Variants in GPR137B observed in about 807,000 individuals in gnomAD.
The protein encoded by GPR137B is integral membrane protein GPR137B.
Under a neutral mutation model 42.5 loss-of-function variants are expected in GPR137B, and 42 were observed. The ratio of observed to expected loss-of-function variants is 0.99; its 90% CI spans 0.77 to 1.28. The LOEUF (loss-of-function observed/expected upper bound fraction) is 1.28. GPR137B is among the 50% of genes most tolerant of loss of function. GPR137B has a pLI of 0.00. For synonymous variants in GPR137B, 218 were observed against 209.7 expected (o/e 1.04, Z -0.34); for missense variants, 487 against 493.9 (o/e 0.99, Z 0.13).
chr1:236,144,823 T>G (rs1295209181), intron 1 of GPR137B, among the ~76,000 whole-genome samples: 1 of 152,218 alleles, frequency 6.6e-6, no homozygotes, highest in African/African-American at 2.4e-5. Context: ...GTCCCCTTTT[T>G]GGGGGGCAGT....
rs1661828918 is a variant in GPR137B at position 236,150,546 on chromosome 1, A to C, written c.414+7510A>C. ...AACCGAGGGGGAACTAAATCCTGTT[A>C]ATGCCCTCAGCACTCGGGGAACAAT... On this transcript the variant is annotated intron_variant, in intron 1 of 6. Coordinates refer to ENST00000366592, the MANE Select transcript of GPR137B (RefSeq NM_003272.4). This position sits in a 1 kb window ranked among gnomAD's most constrained non-coding sequence, Gnocchi z 6.2. Among the ~76,000 whole-genome samples the C allele has an allele frequency of 2.0e-5, 3 of 152,048 alleles. No individual in the cohort carries two copies. Among genetic ancestry groups the C allele is most frequent in the Non-Finnish European group, 4.4e-5 (3 of 68,002 alleles).
chr1:236,189,125 C>A lies in GPR137B; in HGVS notation c.966+5219C>A, dbSNP rs151325221. ...TTTGCATAGATGTGTTTATAGTATTCTTTGATGGTAGTTTGTATTTCTGTG... is the reference window on the plus strand; with the variant it reads ...TTTGCATAGATGTGTTTATAGTATTATTTGATGGTAGTTTGTATTTCTGTG... On this transcript the variant is annotated intron_variant, in intron 5 of 6. Coordinates refer to ENST00000366592, the MANE Select transcript of GPR137B (RefSeq NM_003272.4). 2.8e-3 allele frequency among the ~76,000 whole-genome samples: 427 copies of A among 152,238 alleles called. 7 individuals carry two copies. In the East Asian group the frequency reaches 0.071, roughly 25 times the overall value.
chr1:236,177,040 C>T (rs1662708599), intron 2 of GPR137B, among the ~76,000 whole-genome samples: 1 of 152,012 alleles, frequency 6.6e-6, no homozygotes, highest in Non-Finnish European at 1.5e-5. Flanking sequence ...TGCTGCAGTG[C>T]TGTTTGAGCT....
At chr1:236,204,520 G>C (rs566842137) in intron 5 of GPR137B, among the ~76,000 whole-genome samples, 12 of 152,090 alleles carry the variant, frequency 7.9e-5, no homozygotes, top group Non-Finnish European at 1.5e-5. Flanking sequence ...GAAGCCATTG[G>C]GTCCCAGGCT....
intron 5 of GPR137B, among the ~76,000 whole-genome samples, chr1:236,196,931 A>G (rs1663356195): frequency 6.6e-6 from 1 of 152,178 alleles, no homozygotes; most frequent in Non-Finnish European, 1.5e-5. Context: ...ACATGCCTGC[A>G]CAAGTGTCTT....
intron 2 of GPR137B, among the ~76,000 whole-genome samples, chr1:236,174,374 TG>T (rs1662626481): frequency 6.6e-6 from 1 of 152,116 alleles, no homozygotes; most frequent in Non-Finnish European, 1.5e-5. Flanking sequence ...GTTTAAAACA[TG>T]GAGTTGACCA....
At position 236,179,952 on chromosome 1, in the gene GPR137B, A is replaced by G. The variant is rs1256491880; in HGVS notation, c.761A>G (p.Asn254Ser). The change falls in exon 4 of 7, where the codon AAC becomes AGC. Residue 254 changes from asparagine to serine, a missense_variant. Transcript: ENST00000366592. ...CTTTACACCTCTCGGGCCTGCTACA[A>G]CCTGTTCATCCTGTCATTTTCTCAG... ...ILLYTSRACY[N>S]LFILSFSQNK... is the part of the protein sequence containing the mutation. 4 of 1,612,794 alleles carry G rather than the reference A, an allele frequency of 2.5e-6. No individual in the cohort carries two copies. The highest frequency in any genetic ancestry group is 3.4e-6 in the Non-Finnish European group (4 of 1,178,956).
Position 236,178,637 on chromosome 1 carries a change from G to A in GPR137B, c.687+1G>A. The A allele has an allele frequency of 6.3e-7, 1 of 1,578,238 alleles. No homozygotes were observed. Among genetic ancestry groups the A allele is most frequent in the South Asian group, 1.1e-5 (1 of 90,372 alleles). ...AGCCAACATTTACTTGGAGTCCAAG[G>A]TAGGTGGAAATGTGGTCAAGATCCC... On this transcript the variant is annotated splice_donor_variant, in intron 3 of 6. Coordinates refer to ENST00000366592, the MANE Select transcript of GPR137B (RefSeq NM_003272.4). LOFTEE classifies it high-confidence loss of function.
At chr1:236,143,119 G>A in intron 1 of GPR137B, 83 bp downstream of exon 1, 2 of 1,232,670 alleles carry the variant, frequency 1.6e-6, no homozygotes, top group South Asian at 1.4e-5. Context: ...GATGGCAGCC[G>A]CGGGGGCGGG....
chr1:236,208,325 C>A lies in GPR137B; in HGVS notation c.*167C>A, dbSNP rs1298720707. The A allele has an allele frequency of 1.5e-6, 2 of 1,362,494 alleles. No homozygotes were observed. The highest frequency in any genetic ancestry group is 1.9e-6 in the Non-Finnish European group (2 of 1,057,130). The allele number at this position is 1,362,494 out of a possible 1,614,324, so 84.4% of individuals were successfully genotyped here. A position where few individuals can be genotyped will look rare whatever the true frequency, so the allele number is the denominator to read the frequency against. ...ATAAGCAATAATGTAGACTGATAAA[C>A]CCTTATTTTAGTACTAAAGAGGGAG... On this transcript the variant is annotated 3_prime_UTR_variant, in exon 7 of 7. Coordinates refer to ENST00000366592, the MANE Select transcript of GPR137B (RefSeq NM_003272.4).
chr1:236,163,861 TTCACACTTCC>T (rs1260932360), intron 1 of GPR137B, among the ~76,000 whole-genome samples: 1 of 151,506 alleles, frequency 6.6e-6, no homozygotes, highest in Non-Finnish European at 1.5e-5. Context: ...CTCCACACTT[TTCACACTTCC>T]TCACACCTCC....
chr1:236,142,883 C>T lies in GPR137B; in HGVS notation c.261C>T (p.Phe87=). 2 of 1,614,220 alleles carry T rather than the reference C, an allele frequency of 1.2e-6. No individual in the cohort carries two copies. The highest frequency in any genetic ancestry group is 1.6e-4 in the Middle Eastern group (1 of 6,062). The change falls in exon 1 of 7, where the codon TTC becomes TTT. Residue 87 remains phenylalanine (F), a synonymous_variant. Transcript: ENST00000366592. ...YQSVFLFLCL[F]WASLRTVLFS... is the part of the protein sequence containing the mutation. Reference sequence around the variant, plus strand: ...GCGTCTTCCTCTTTCTCTGCCTCTTCTGGGCCTCCCTGCGGACCGTCCTCT... The same window carrying T: ...GCGTCTTCCTCTTTCTCTGCCTCTTTTGGGCCTCCCTGCGGACCGTCCTCT...
rs896089662 is a variant in GPR137B, at chr1:236,198,853, G to A, written c.967-6273G>A. Among the ~76,000 whole-genome samples the A allele has an allele frequency of 7.9e-5, 12 of 152,258 alleles. No individual in the cohort carries two copies. The East Asian group carries it at 2.1e-3, about 27-fold the overall frequency. On this transcript the variant is annotated intron_variant, in intron 5 of 6. Transcript: ENST00000366592. ...TGCGATTATGTCATTGGTGAACAGT[G>A]ACAGTTTGACTTACTCTTTACTGGT...
At position 236,193,132 on chromosome 1, in the gene GPR137B, C is replaced by T. The variant is rs150750258; in HGVS notation, c.966+9226C>T. 4.4e-3 allele frequency among the ~76,000 whole-genome samples: 671 copies of T among 152,084 alleles called. 8 individuals carry two copies. Among genetic ancestry groups the T allele is most frequent in the African/African-American group, 0.014 (587 of 41,490 alleles). On this transcript the variant is annotated intron_variant, in intron 5 of 6. Transcript: ENST00000366592. ...CTGGTCTTGAACTCCTGAACTCAGG[C>T]GATCCACCTGCCTTGGCCTCCCAAA...
chr1:236,183,256 A>T (rs903428362), intron 4 of GPR137B, among the ~76,000 whole-genome samples: 2 of 152,224 alleles, frequency 1.3e-5, no homozygotes, highest in African/African-American at 2.4e-5. Flanking sequence ...GATATGGTTT[A>T]TGTGAAGAAA....
intron 4 of GPR137B, among the ~76,000 whole-genome samples, chr1:236,180,848 C>G (rs1389111813): frequency 6.6e-6 from 1 of 152,062 alleles, no homozygotes; most frequent in African/African-American, 2.4e-5. Context: ...GAACTCCTAC[C>G]TCAGGTGATC....
chr1:236,188,484 A>G (rs1663096941), intron 5 of GPR137B, among the ~76,000 whole-genome samples: 1 of 152,076 alleles, frequency 6.6e-6, no homozygotes, highest in South Asian at 2.1e-4. Context: ...TTATTTTGAG[A>G]TACATTCCAT....
chr1:236,204,615 C>T (rs1663599381), intron 5 of GPR137B, among the ~76,000 whole-genome samples: 1 of 151,874 alleles, frequency 6.6e-6, no homozygotes, highest in African/African-American at 2.4e-5. Context: ...CTTTAGAAAA[C>T]CTTAAGAGAG....
At chr1:236,193,300 C>G (rs1663244134) in intron 5 of GPR137B, among the ~76,000 whole-genome samples, 2 of 152,120 alleles carry the variant, frequency 1.3e-5, no homozygotes, top group African/African-American at 4.8e-5. Context: ...GTCATTTCCA[C>G]CATTTGGCTA....
Sources: gnomAD v4.1 joint callset for allele counts (sites outside exome capture counted in the v4.1 genomes callset) on GRCh38, gnomAD v4.1.1 for gene constraint, Gnocchi (gnomAD v3.1) non-coding constraint, MANE v1.5 for transcripts, NCBI Gene and HGNC (gene_info 2026-07-23, HGNC 2026-07-21) for gene names.